The following MCPH1 variants were observed in gnomAD, a reference collection of about 807,000 sequenced individuals.
MCPH1 encodes microcephalin.
In MCPH1, 104 loss-of-function variants were observed where a neutral mutation model predicts 84.5. The observed-to-expected ratio is 1.23, with a 90% CI of 1.05 to 1.45. The LOEUF (loss-of-function observed/expected upper bound fraction) is 1.45. MCPH1 is among the 40% of genes most tolerant of loss of function. The pLI is 0.00. For missense variants in MCPH1, 1,498 were observed against 1,005.7 expected (o/e 1.49, Z -6.62); for synonymous variants, 514 against 366.8 (o/e 1.40, Z -4.58).
chr8:6,439,461 G>T (rs1227805579), intron 6 of MCPH1, among the ~76,000 whole-genome samples: 1 of 150,832 alleles, frequency 6.6e-6, no homozygotes, highest in Non-Finnish European at 1.5e-5. Flanking sequence ...CGCGATCTGG[G>T]CTCACTGCAA....
At chr8:6,567,816 T>C (rs569702076) in intron 12 of MCPH1, among the ~76,000 whole-genome samples, 4 of 152,180 alleles carry the variant, frequency 2.6e-5, no homozygotes, top group African/African-American at 9.6e-5. Context: ...TCTTGGGTGT[T>C]CCTCCCTGCT....
rs147389116 is a variant in MCPH1, at chr8:6,446,877, G to GC, written c.1825+1336dup. Reference sequence around the variant, plus strand: ...CAGGTGTGTTATGTTCTAGAACACTGCCCCCCTGCGTCGACAGCCTCCGGG... The same window carrying GC: ...CAGGTGTGTTATGTTCTAGAACACTGCCCCCCCTGCGTCGACAGCCTCCGGG... On this transcript the variant is annotated intron_variant, in intron 8 of 13. Transcript: ENST00000344683. 3.8e-5 allele frequency: 37 copies of GC among 985,058 alleles called. No individual in the cohort carries two copies. The African/African-American group carries it at 6.1e-4, about 16-fold the overall frequency. 61.0% of individuals were successfully genotyped at this position (985,058 alleles called of 1,614,324 possible). A position where few individuals can be genotyped will look rare whatever the true frequency, so the allele number is the denominator to read the frequency against.
intron 12 of MCPH1, among the ~76,000 whole-genome samples, chr8:6,514,256 C>G (rs953196894): frequency 1.4e-4 from 22 of 152,294 alleles, no homozygotes; most frequent in African/African-American, 5.3e-4. Context: ...GTGGTGTGAT[C>G]TTGGCTGACT....
At chr8:6,477,264 C>A in intron 9 of MCPH1, 1 of 289,832 alleles carries the variant, frequency 3.5e-6, no homozygotes, top group Non-Finnish European at 6.5e-6. Context: ...CCCTTCTTAC[C>A]CTTTCTCACT....
At chr8:6,469,916 A>G (rs1157625035) in intron 9 of MCPH1, among the ~76,000 whole-genome samples, 2 of 151,414 alleles carry the variant, frequency 1.3e-5, no homozygotes, top group African/African-American at 4.9e-5. Context: ...CATGTCTGTT[A>G]TTGTTTCTCA....
intron 12 of MCPH1, among the ~76,000 whole-genome samples, chr8:6,566,651 T>TGCACAC: frequency 7.0e-6 from 1 of 142,984 alleles, no homozygotes; most frequent in East Asian, 2.3e-4. Flanking sequence ...ATAGTGCATG[T>TGCACAC]GGTGCGGTGA....
At chr8:6,521,980 C>T (rs937537832) in intron 12 of MCPH1, among the ~76,000 whole-genome samples, 2 of 152,190 alleles carry the variant, frequency 1.3e-5, no homozygotes, top group Non-Finnish European at 1.5e-5. Context: ...CTTAGTCACC[C>T]TATGCGTTAA....
intron 2 of MCPH1, among the ~76,000 whole-genome samples, chr8:6,412,908 A>G (rs557967986): frequency 6.6e-6 from 1 of 152,354 alleles, no homozygotes; most frequent in South Asian, 2.1e-4. Flanking sequence ...AATGAAAAGA[A>G]AGAGAAACCA....
In MCPH1 at chr8:6,438,281, T is replaced by C. The variant is rs559714848; in HGVS notation, c.437-672T>C. 2.0e-5 allele frequency among the ~76,000 whole-genome samples: 3 copies of C among 152,352 alleles called. No individual in the cohort carries two copies. The East Asian group carries it at 5.8e-4, about 29-fold the overall frequency. ...TAAAGTATTAATGATTCAACTAATG[T>C]ACATTTGTATATTGTCAGAACTACA... is the stretch of plus-strand genomic sequence containing the variant. On this transcript the variant is annotated intron_variant, in intron 5 of 13. Transcript: ENST00000344683.
intron 12 of MCPH1, among the ~76,000 whole-genome samples, chr8:6,522,329 T>G (rs191857082): frequency 6.6e-6 from 1 of 151,546 alleles, no homozygotes; most frequent in Non-Finnish European, 1.5e-5. Context: ...CACTCCAGCC[T>G]GGGCGACAGA....
intron 13 of MCPH1, among the ~76,000 whole-genome samples, chr8:6,631,158 C>T (rs150181782): frequency 4.6e-5 from 7 of 152,324 alleles, no homozygotes; most frequent in African/African-American, 1.4e-4. Context: ...AGTTCCCTTC[C>T]TCAAGCTGCA....
At chr8:6,615,523 G>A (rs1414676550) in intron 12 of MCPH1, 1 of 152,344 alleles carries the variant, frequency 6.6e-6, no homozygotes, top group African/African-American at 2.4e-5. Flanking sequence ...GGAGGCAGGT[G>A]CTGGGAGGAG....
At chr8:6,478,649 T>G (rs1427232442) in intron 10 of MCPH1, among the ~76,000 whole-genome samples, 1 of 152,248 alleles carries the variant, frequency 6.6e-6, no homozygotes. Context: ...AGACACTTGT[T>G]ACTTACTGGC....
chr8:6,414,834 A>T lies in MCPH1; in HGVS notation c.184A>T (p.Lys62Ter). The T allele has an allele frequency of 6.2e-7, 1 of 1,613,928 alleles. No homozygotes were observed. The highest frequency in any genetic ancestry group is 8.5e-7 in the Non-Finnish European group (1 of 1,179,902). ...FKDGYQSTWD[K>*]AQKRGVKLVS... ...AGATGGCTACCAGAGCACTTGGGAC[A>T]AAGCTCAGAAGAGAGGCGTAAAGCT... The change falls in exon 3 of 14, where the codon AAA (lysine) becomes TAA (stop). Residue 62 changes from lysine (K) to a stop codon, truncating the protein, a stop_gained. Transcript: ENST00000344683. LOFTEE classifies it high-confidence loss of function.
intron 9 of MCPH1, among the ~76,000 whole-genome samples, chr8:6,464,240 A>C (rs1350968723): frequency 1.3e-5 from 2 of 152,188 alleles, no homozygotes; most frequent in Admixed American, 1.3e-4. Context: ...CACTTTTGGC[A>C]GAGTGTACCC....
chr8:6,635,779 T>C (rs747809405), intron 13 of MCPH1, among the ~76,000 whole-genome samples: 2 of 152,270 alleles, frequency 1.3e-5, no homozygotes, highest in Admixed American at 6.5e-5. Context: ...CTGCTTCTTA[T>C]GTTCCTTCTC....
chr8:6,475,166 A>G (rs1278514086), intron 9 of MCPH1, among the ~76,000 whole-genome samples: 1 of 152,220 alleles, frequency 6.6e-6, no homozygotes, highest in African/African-American at 2.4e-5. Context: ...TCCCAGGATG[A>G]GAGACAATAG....
At chr8:6,632,472 C>G (rs1361408244) in intron 13 of MCPH1, among the ~76,000 whole-genome samples, 3 of 152,150 alleles carry the variant, frequency 2.0e-5, no homozygotes, top group Non-Finnish European at 4.4e-5. Context: ...CTACATTGAT[C>G]TTGACCTAAT....
intron 7 of MCPH1, 91 bp from the exon 8 acceptor site, chr8:6,444,302 C>T: frequency 6.8e-7 from 1 of 1,463,782 alleles, no homozygotes; most frequent in Non-Finnish European, 9.4e-7. Flanking sequence ...AATAGCTGTA[C>T]TTTAAAAGTT....
Sources: gnomAD v4.1 joint callset for allele counts (sites outside exome capture counted in the v4.1 genomes callset) on GRCh38, gnomAD v4.1.1 for gene constraint, MANE v1.5 for transcripts, NCBI Gene and HGNC (gene_info 2026-07-23, HGNC 2026-07-21) for gene names.